The following UBE2E3 variants were observed in gnomAD, a reference collection of about 807,000 sequenced individuals.
The protein encoded by UBE2E3 is ubiquitin-conjugating enzyme E2 E3.
Under a neutral mutation model 23.6 loss-of-function variants are expected in UBE2E3, and 5 were observed. That is an observed-to-expected ratio of 0.21 (90% confidence interval 0.11 to 0.44). UBE2E3 has a LOEUF of 0.44. Among genes scored for constraint, UBE2E3 ranks in the 20% least tolerant of loss-of-function variants. The probability of loss-of-function intolerance (pLI) is 0.99; values close to 1 mark genes in which losing one functional copy is unlikely to be tolerated. For missense variants in UBE2E3, 81 were observed against 249.8 expected (o/e 0.32, Z 4.55); for synonymous variants, 78 against 87.5 (o/e 0.89, Z 0.60).
chr2:181,010,393 A>G (rs887689515), intron 3 of UBE2E3, among the ~76,000 whole-genome samples: 8 of 152,098 alleles, frequency 5.3e-5, no homozygotes, highest in Non-Finnish European at 1.0e-4. Flanking sequence ...TTAGCTGGTA[A>G]GAGTAGTGGG....
chr2:181,026,559 G>A (rs749782260), intron 3 of UBE2E3, among the ~76,000 whole-genome samples: 2 of 150,758 alleles, frequency 1.3e-5, no homozygotes, highest in Non-Finnish European at 3.0e-5. Flanking sequence ...TCCAAAGGCT[G>A]AGGAAACAGA....
intron 3 of UBE2E3, among the ~76,000 whole-genome samples, chr2:181,055,736 TA>T (rs1686971312): frequency 6.6e-6 from 1 of 151,770 alleles, no homozygotes; most frequent in African/African-American, 2.4e-5. Flanking sequence ...AATAGCATGA[TA>T]AGTGGGAAGA....
chr2:181,057,646 T>A (rs760247890), intron 3 of UBE2E3, 47 bp from the exon 4 acceptor site: 1 of 1,482,002 alleles, frequency 6.7e-7, no homozygotes, highest in South Asian at 1.3e-5. Flanking sequence ...ATATTAACAT[T>A]CATTGCTAAT....
chr2:181,041,081 C>T (rs1298065082), intron 3 of UBE2E3, among the ~76,000 whole-genome samples: 1 of 151,820 alleles, frequency 6.6e-6, no homozygotes, highest in Non-Finnish European at 1.5e-5. Flanking sequence ...AACCCAGTCT[C>T]TACCAAAAAT....
intron 4 of UBE2E3, 62 bp from the exon 5 acceptor site, chr2:181,060,603 T>C: frequency 2.8e-6 from 4 of 1,413,134 alleles, no homozygotes; most frequent in Non-Finnish European, 3.8e-6. Flanking sequence ...CATTTTTTTT[T>C]AGTGTTTTAA....
rs78090949 is a variant in UBE2E3 at position 180,991,405 on chromosome 2, G to C, written c.245+7312G>C. On this transcript the variant is annotated intron_variant, in intron 3 of 5. Coordinates refer to ENST00000410062, the MANE Select transcript of UBE2E3 (RefSeq NM_006357.4). ...TCCCATTGGCATATCCAAACTGCCAGCATCACTACTCTTGGGCTTTGGAGC... is the reference window on the plus strand; with the variant it reads ...TCCCATTGGCATATCCAAACTGCCACCATCACTACTCTTGGGCTTTGGAGC... Among the ~76,000 whole-genome samples, 1,285 of 152,308 alleles carry C rather than the reference G, an allele frequency of 8.4e-3. 19 individuals carry two copies. The highest frequency in any genetic ancestry group is 0.029 in the African/African-American group (1,220 of 41,558).
chr2:180,996,356 A>T (rs1473310336), intron 3 of UBE2E3, among the ~76,000 whole-genome samples: 2 of 152,196 alleles, frequency 1.3e-5, no homozygotes, highest in Non-Finnish European at 2.9e-5. Flanking sequence ...GATCTTTATT[A>T]TAACTATAGG....
At chr2:181,040,220 G>A (rs2105664096) in intron 3 of UBE2E3, among the ~76,000 whole-genome samples, 1 of 152,278 alleles carries the variant, frequency 6.6e-6, no homozygotes, top group Non-Finnish European at 1.5e-5. Context: ...TATATTCATA[G>A]AGCTTTCTGA....
chr2:181,048,617 G>C (rs1686739835), intron 3 of UBE2E3, among the ~76,000 whole-genome samples: 1 of 151,610 alleles, frequency 6.6e-6, no homozygotes, highest in African/African-American at 2.4e-5. Flanking sequence ...TTAGTTAGTA[G>C]AATTATTTTT....
intron 3 of UBE2E3, among the ~76,000 whole-genome samples, chr2:181,044,014 C>T (rs1020192890): frequency 1.3e-5 from 2 of 151,872 alleles, no homozygotes; most frequent in African/African-American, 4.8e-5. Context: ...GTTTTTTGTC[C>T]TAGGATAGCT....
intron 3 of UBE2E3, among the ~76,000 whole-genome samples, chr2:181,031,230 T>G (rs1292767000): frequency 2.0e-5 from 3 of 152,218 alleles, no homozygotes; most frequent in African/African-American, 4.8e-5. Flanking sequence ...CTCTGATTGT[T>G]ACATATAGGG....
At chr2:181,041,295 T>C (rs1191292269) in intron 3 of UBE2E3, among the ~76,000 whole-genome samples, 3 of 150,108 alleles carry the variant, frequency 2.0e-5, no homozygotes, top group African/African-American at 4.9e-5. Flanking sequence ...CAAATAGCGC[T>C]TGAACCAAAG....
chr2:180,987,916 T>C (rs1684532220), intron 3 of UBE2E3, among the ~76,000 whole-genome samples: 1 of 152,126 alleles, frequency 6.6e-6, no homozygotes, highest in Non-Finnish European at 1.5e-5. Context: ...AATTTGAATT[T>C]AACAAGATTC....
intron 3 of UBE2E3, among the ~76,000 whole-genome samples, chr2:180,993,533 A>G (rs1026023108): frequency 6.6e-6 from 1 of 152,172 alleles, no homozygotes; most frequent in Non-Finnish European, 1.5e-5. Context: ...CTAGGGAAAC[A>G]TGAATTTTGT....
Position 181,039,203 on chromosome 2 carries a change from C to T in UBE2E3, c.246-18490C>T, listed in dbSNP as rs530820790. Among the ~76,000 whole-genome samples the T allele has an allele frequency of 1.3e-3, 170 of 135,334 alleles. 1 individual carries two copies. Among genetic ancestry groups the T allele is most frequent in the South Asian group, 1.4e-3 (6 of 4,260 alleles). 88.8% of individuals were successfully genotyped at this position (135,334 alleles called of 152,430 possible). On this transcript the variant is annotated intron_variant, in intron 3 of 5. Transcript: ENST00000410062. Reference sequence around the variant, plus strand: ...AAACATTTTTGGGGTGGTGGATATGCTCTATATCATGGTTGTAGTGATGTT... The same window carrying T: ...AAACATTTTTGGGGTGGTGGATATGTTCTATATCATGGTTGTAGTGATGTT...
chr2:181,002,951 C>T (rs1052298659), intron 3 of UBE2E3, among the ~76,000 whole-genome samples: 1 of 152,200 alleles, frequency 6.6e-6, no homozygotes, highest in Non-Finnish European at 1.5e-5. Flanking sequence ...AAACTCAACA[C>T]CCGGTACAAA....
chr2:180,998,205 C>G (rs989891250), intron 3 of UBE2E3, among the ~76,000 whole-genome samples: 2 of 152,022 alleles, frequency 1.3e-5, no homozygotes, highest in South Asian at 2.1e-4. Context: ...TAGAAATACT[C>G]GAGTTTGTAT....
chr2:180,993,803 G>A (rs113352208), intron 3 of UBE2E3, among the ~76,000 whole-genome samples: 1,612 of 152,212 alleles, frequency 0.011, 21 homozygotes, highest in African/African-American at 0.037. Context: ...ATTTTTTATG[G>A]CTTCCTATTG....
chr2:181,036,629 C>T (rs1292491424), intron 3 of UBE2E3, among the ~76,000 whole-genome samples: 1 of 152,190 alleles, frequency 6.6e-6, no homozygotes, highest in East Asian at 1.9e-4. Flanking sequence ...GATGCAGGAG[C>T]ATCCTGTCCA....
Sources: gnomAD v4.1 joint callset for allele counts (sites outside exome capture counted in the v4.1 genomes callset) on GRCh38, gnomAD v4.1.1 for gene constraint, MANE v1.5 for transcripts, NCBI Gene and HGNC (gene_info 2026-07-23, HGNC 2026-07-21) for gene names.